UBE2O: variants seen among roughly 807,000 people sequenced by gnomAD.
UBE2O encodes the protein ubiquitin conjugating enzyme E2 O, also known as (E3-independent) E2 ubiquitin-conjugating enzyme.
A neutral mutation model predicts 125.8 loss-of-function variants in UBE2O; 15 were observed. The ratio of observed to expected loss-of-function variants is 0.12; its 90% CI spans 0.08 to 0.18. The LOEUF is 0.18. Among genes scored for constraint, UBE2O ranks in the 10% least tolerant of loss-of-function variants. UBE2O has a pLI of 1.00. For missense variants in UBE2O, 1,280 were observed against 1,723.6 expected (o/e 0.74, Z 4.56); for synonymous variants, 708 against 703.2 (o/e 1.01, Z -0.11).
In UBE2O at chr17:76,402,038, G is replaced by GT; in HGVS notation, c.750+25dup. The stretch of plus-strand genomic sequence containing the variant: ...CAGAGGACTGAGCAATCAGAGAAGG[G>GT]TGCTGGCCTGGATGGAGCACACTAC... On this transcript the variant is annotated intron_variant, in intron 5 of 17. Transcript: ENST00000319380. This position sits in a 1 kb window ranked among gnomAD's most constrained non-coding sequence, Gnocchi z 5.4. 6.2e-7 allele frequency: 1 copy of GT among 1,612,230 alleles called. No individual in the cohort carries two copies. Among genetic ancestry groups the GT allele is most frequent in the Non-Finnish European group, 8.5e-7 (1 of 1,179,296 alleles).
rs144543657 is a variant in UBE2O at position 76,405,293 on chromosome 17, G to A, written c.501C>T (p.Ile167=). The change falls in exon 3 of 18, where the codon ATC becomes ATT. Residue 167 remains isoleucine, a synonymous_variant. Coordinates refer to ENST00000319380, the MANE Select transcript of UBE2O (RefSeq NM_022066.4). This position sits in a 1 kb window ranked among gnomAD's most constrained non-coding sequence, Gnocchi z 6.1. The part of the protein sequence containing the change: ...RSTDSQCGTV[I]DVNIDCAVKL... The stretch of plus-strand genomic sequence containing the variant: ...TGACGGCACAGTCGATGTTGACGTC[G>A]ATCACCGTGCCACACTGACTGTCCT... 367 of 1,612,886 alleles carry A rather than the reference G, an allele frequency of 2.3e-4. No individual in the cohort carries two copies. The highest frequency in any genetic ancestry group is 2.0e-3 in the Middle Eastern group (12 of 6,058).
At position 76,400,618 on chromosome 17, in the gene UBE2O, C is replaced by A; in HGVS notation, c.895-68G>T. The A allele has an allele frequency of 9.0e-7, 1 of 1,111,910 alleles. No homozygotes were observed. The highest frequency in any genetic ancestry group is 2.5e-5 in the East Asian group (1 of 40,186). 68.9% of individuals were successfully genotyped at this position (1,111,910 alleles called of 1,614,324 possible). A position where few individuals can be genotyped will look rare whatever the true frequency, so the allele number is the denominator to read the frequency against. On this transcript the variant is annotated intron_variant, in intron 6 of 17. Transcript: ENST00000319380. The surrounding 1 kb of genome is among the most constrained non-coding windows in gnomAD (Gnocchi z 4.3). ...ACAGCACTCTCTTTAGCCAGCTGCCCAAAGCCCACTTGACCTCCAGAGCAG... is the reference window on the plus strand; with the variant it reads ...ACAGCACTCTCTTTAGCCAGCTGCCAAAAGCCCACTTGACCTCCAGAGCAG...
In UBE2O at chr17:76,395,357, ATTT is replaced by A. The variant is rs78701971; in HGVS notation, c.2946+365_2946+367del. On this transcript the variant is annotated intron_variant, in intron 15 of 17. Coordinates refer to ENST00000319380, the MANE Select transcript of UBE2O (RefSeq NM_022066.4). The surrounding 1 kb of genome is among the most constrained non-coding windows in gnomAD (Gnocchi z 5.0). ...CATGGTGGCGGGAGAGTTTTTTGTA[ATTT>A]TTTTTTTTTTTTTAGTGGAGACGGG... The A allele has an allele frequency of 1.4e-4, 19 of 139,794 alleles. No homozygotes were observed. The highest frequency in any genetic ancestry group is 2.3e-4 in the South Asian group (1 of 4,420). 8.7% of individuals were successfully genotyped at this position (139,794 alleles called of 1,614,324 possible). A position where few individuals can be genotyped will look rare whatever the true frequency, so the allele number is the denominator to read the frequency against.
At chr17:76,423,725 T>TAAATAAATAAATAAAAAAA (rs1407680083) in intron 1 of UBE2O, among the ~76,000 whole-genome samples, 3 of 148,832 alleles carry the variant, frequency 2.0e-5, no homozygotes, top group African/African-American at 7.4e-5. Context: ...AATAAATAAA[T>TAAATAAATAAATAAAAAAA]AAAAAATAAG....
Position 76,398,029 on chromosome 17 carries a change from GCAGC to G in UBE2O, c.2026-145_2026-142del. The G allele has an allele frequency of 9.5e-7, 1 of 1,053,014 alleles. No individual in the cohort carries two copies. Among genetic ancestry groups the G allele is most frequent in the South Asian group, 1.5e-5 (1 of 67,720 alleles). 65.2% of individuals were successfully genotyped at this position (1,053,014 alleles called of 1,614,324 possible). Reference sequence around the variant, plus strand: ...GCTCCTCTGGTAAATGTAACCAGCGGCAGCTCAAGAAGCCTGACCCCAGAAGGGA... The same window carrying G: ...GCTCCTCTGGTAAATGTAACCAGCGGTCAAGAAGCCTGACCCCAGAAGGGA... On this transcript the variant is annotated intron_variant, in intron 12 of 17. Coordinates refer to ENST00000319380, the MANE Select transcript of UBE2O (RefSeq NM_022066.4). The surrounding 1 kb of genome is among the most constrained non-coding windows in gnomAD (Gnocchi z 5.4).
chr17:76,445,891 T>C (rs925380639), intron 1 of UBE2O, among the ~76,000 whole-genome samples: 5 of 152,196 alleles, frequency 3.3e-5, no homozygotes, highest in African/African-American at 1.2e-4. Context: ...GCACTCTTGC[T>C]CAGTAAGAGC....
In UBE2O at chr17:76,401,166, G is replaced by T. The variant is rs757283649; in HGVS notation, c.751-12C>A. 1 of 1,612,240 alleles carries T rather than the reference G, an allele frequency of 6.2e-7. No homozygotes were observed. Among genetic ancestry groups the T allele is most frequent in the Non-Finnish European group, 8.5e-7 (1 of 1,179,176 alleles). On this transcript the variant is annotated splice_polypyrimidine_tract_variant and intron_variant, in intron 5 of 17. Transcript: ENST00000319380. ...TCGAAGAAGAGACCCTGCGGGATGT[G>T]GGGCCAAAGGAAAGTCCCCGTGAGC...
At chr17:76,429,511 C>T (rs888007903) in intron 1 of UBE2O, among the ~76,000 whole-genome samples, 4 of 134,042 alleles carry the variant, frequency 3.0e-5, no homozygotes, top group Non-Finnish European at 6.2e-5. Flanking sequence ...CACTGTACTC[C>T]AGCCTGGGTG....
At chr17:76,442,362 C>T (rs962439991) in intron 1 of UBE2O, among the ~76,000 whole-genome samples, 1 of 152,116 alleles carries the variant, frequency 6.6e-6, no homozygotes, top group South Asian at 2.1e-4. Context: ...GTCAACACAC[C>T]TAGTACGGGG....
intron 1 of UBE2O, among the ~76,000 whole-genome samples, chr17:76,430,022 TG>T (rs2072878889): frequency 6.6e-6 from 1 of 152,232 alleles, no homozygotes; most frequent in South Asian, 2.1e-4. Context: ...ATAATCCCTC[TG>T]CTTTTAGGCC....
Position 76,402,573 on chromosome 17 carries a change from C to T in UBE2O, c.686+29G>A. The T allele has an allele frequency of 6.3e-7, 1 of 1,594,906 alleles. No individual in the cohort carries two copies. The highest frequency in any genetic ancestry group is 8.6e-7 in the Non-Finnish European group (1 of 1,162,590). On this transcript the variant is annotated intron_variant, in intron 4 of 17. Transcript: ENST00000319380. This position sits in a 1 kb window ranked among gnomAD's most constrained non-coding sequence, Gnocchi z 5.4. ...TTTCCAAGAGGCTATCCTTCCCAAG[C>T]CGATGGCTCTCTGGTGGTGAGACTC...
Position 76,452,271 on chromosome 17 carries a change from A to G in UBE2O, c.417+454T>C, listed in dbSNP as rs1203905875. ...GGGTTCGGCTGGGATTTTCACCTCT[A>G]TCTTTGTTTTGGAATGCCCACAACC... On this transcript the variant is annotated intron_variant, in intron 1 of 17. Transcript: ENST00000319380. The surrounding 1 kb of genome is among the most constrained non-coding windows in gnomAD (Gnocchi z 4.4). Among the ~76,000 whole-genome samples the G allele has an allele frequency of 6.6e-6, 1 of 152,040 alleles. No homozygotes were observed. Among genetic ancestry groups the G allele is most frequent in the African/African-American group, 2.4e-5 (1 of 41,370 alleles).
At position 76,391,697 on chromosome 17, in the gene UBE2O, G is replaced by C; in HGVS notation, c.3208+59C>G. ...CCTCCACCTGCCAGGGGGACTATCA[G>C]AGTCACTTTCCTCCACCGGCCCTCC... On this transcript the variant is annotated intron_variant, in intron 17 of 17. Transcript: ENST00000319380. This position sits in a 1 kb window ranked among gnomAD's most constrained non-coding sequence, Gnocchi z 8.4. 1.2e-6 allele frequency: 2 copies of C among 1,608,708 alleles called. No individual in the cohort carries two copies. Among genetic ancestry groups the C allele is most frequent in the Non-Finnish European group, 1.7e-6 (2 of 1,176,718 alleles).
Position 76,402,762 on chromosome 17 carries a change from ATTCC to A in UBE2O, c.589-67_589-64del. 6 of 1,363,670 alleles carry A rather than the reference ATTCC, an allele frequency of 4.4e-6. No individual in the cohort carries two copies. The highest frequency in any genetic ancestry group is 1.2e-5 in the South Asian group (1 of 86,038). 84.5% of individuals were successfully genotyped at this position (1,363,670 alleles called of 1,614,324 possible). On this transcript the variant is annotated intron_variant, in intron 3 of 17. Coordinates refer to ENST00000319380, the MANE Select transcript of UBE2O (RefSeq NM_022066.4). This position sits in a 1 kb window ranked among gnomAD's most constrained non-coding sequence, Gnocchi z 5.4. ...GACAACGTTCATGTCCAGGGCACAG[ATTCC>A]TCTATGCCCCACCGAAGACAGGATG... is the stretch of plus-strand genomic sequence containing the variant.
intron 1 of UBE2O, among the ~76,000 whole-genome samples, chr17:76,434,806 C>CA (rs1193444513): frequency 9.4e-6 from 1 of 106,292 alleles, no homozygotes; most frequent in Non-Finnish European, 2.0e-5. Flanking sequence ...AAAAAACAAA[C>CA]AAAAAAACAA....
At chr17:76,408,974 CT>C (rs888524271) in intron 1 of UBE2O, among the ~76,000 whole-genome samples, 208 of 145,244 alleles carry the variant, frequency 1.4e-3, no homozygotes, top group Admixed American at 3.2e-3. Flanking sequence ...TCTAACATTT[CT>C]TTTTTTTTTT....
intron 1 of UBE2O, among the ~76,000 whole-genome samples, chr17:76,412,449 A>G (rs530761878): frequency 6.6e-6 from 1 of 152,216 alleles, no homozygotes; most frequent in East Asian, 1.9e-4. Context: ...AGGTGTATAG[A>G]AAAAGAGTGA....
rs2072383795 is a variant in UBE2O, at chr17:76,404,534, T to C, written c.588+672A>G. ...ACTCAATGCAAGATGTGTTCCTGAA[T>C]TGGGTCCTGGATCCGCAAAGAAGAA... On this transcript the variant is annotated intron_variant, in intron 3 of 17. Transcript: ENST00000319380. The surrounding 1 kb of genome is among the most constrained non-coding windows in gnomAD (Gnocchi z 4.3). 6.6e-6 allele frequency among the ~76,000 whole-genome samples: 1 copy of C among 152,142 alleles called. No homozygotes were observed. The highest frequency in any genetic ancestry group is 2.1e-4 in the South Asian group (1 of 4,772).
In UBE2O at chr17:76,398,853, G is replaced by A. The variant is rs3744043; in HGVS notation, c.1767C>T (p.Phe589=). 0.024 allele frequency: 39,140 copies of A among 1,613,906 alleles called. 1,156 individuals are homozygous for A. The highest frequency in any genetic ancestry group is 0.12 in the East Asian group (5,298 of 44,874). Residue 589 remains phenylalanine (F), a synonymous_variant, in exon 10 of 18, where the codon TTC becomes TTT. Transcript: ENST00000319380. The surrounding 1 kb of genome is among the most constrained non-coding windows in gnomAD (Gnocchi z 5.4). Reference sequence around the variant, plus strand: ...TGGCACTACCTCGCTTATCTACCACGAAGTCTCCAGGGCAGAACTCGTTGT... The same window carrying A: ...TGGCACTACCTCGCTTATCTACCACAAAGTCTCCAGGGCAGAACTCGTTGT... ...LDNNEFCPGD[F]VVDKRVQSCP...
Sources: allele counts gnomAD v4.1 joint callset (sites outside exome capture counted in the v4.1 genomes callset), GRCh38; gene constraint gnomAD v4.1.1; non-coding constraint Gnocchi (gnomAD v3.1); transcripts MANE v1.5; gene names NCBI Gene and HGNC (gene_info 2026-07-23, HGNC 2026-07-21).